Variants in TBX20 observed in about 807,000 individuals in gnomAD.
The protein encoded by TBX20 is T-box transcription factor TBX20.
Under a neutral mutation model 42.9 loss-of-function variants are expected in TBX20, and 8 were observed. That is an observed-to-expected ratio of 0.19 (90% confidence interval 0.11 to 0.34). The LOEUF is 0.34. TBX20 is among the 10% of genes least tolerant of loss of function. The probability of loss-of-function intolerance (pLI) is 1.00; values close to 1 mark genes in which losing one functional copy is unlikely to be tolerated. For synonymous variants in TBX20, 198 were observed against 222.8 expected, an observed-to-expected ratio of 0.89 and a Z score of 0.99; for missense variants, 411 against 566.0, an observed-to-expected ratio of 0.73 and a Z score of 2.78.
intron 5 of TBX20, among the ~76,000 whole-genome samples, chr7:35,238,308 T>C (rs1306273936): frequency 6.6e-6 from 1 of 152,126 alleles, no homozygotes; most frequent in Non-Finnish European, 1.5e-5. Context: ...TTAAACCAAA[T>C]CTCAGGCATT....
chr7:35,222,086 T>G (rs2128712178), intron 6 of TBX20, among the ~76,000 whole-genome samples: 1 of 152,268 alleles, frequency 6.6e-6, no homozygotes, highest in African/African-American at 2.4e-5. Context: ...TAAAAAGAAA[T>G]ATAATGAAGA....
intron 6 of TBX20, among the ~76,000 whole-genome samples, chr7:35,215,938 G>A (rs900396154): frequency 1.6e-4 from 25 of 151,914 alleles, no homozygotes; most frequent in African/African-American, 5.8e-4. Flanking sequence ...CCTTCCTCTA[G>A]CTTTGAAACT....
At position 35,204,479 on chromosome 7, in the gene TBX20, G is replaced by T; in HGVS notation, c.994C>A (p.Pro332Thr). The T allele has an allele frequency of 1.2e-6, 2 of 1,612,450 alleles. No homozygotes were observed. The highest frequency in any genetic ancestry group is 1.7e-6 in the Non-Finnish European group (2 of 1,178,598). The stretch of plus-strand genomic sequence containing the variant: ...TTGGAAACTACCTTACCTCGATTTG[G>T]GGTTGTCTGACTCTCATCCCCCAAG... ...DVLGDESQTTPNRGSAFTTSD... is the reference protein window; with the variant it reads ...DVLGDESQTTTNRGSAFTTSD... The change falls in exon 7 of 8, where the codon CCA (proline) becomes ACA (threonine). Residue 332 changes from proline (P) to threonine (T), a missense_variant. Transcript: ENST00000408931.
At chr7:35,250,349 T>C (rs1562568227) in intron 1 of TBX20, 146 bp from the exon 2 acceptor site, 1 of 991,740 alleles carries the variant, frequency 1.0e-6, no homozygotes. Flanking sequence ...GGATGACCCA[T>C]CATCACTGTA....
At chr7:35,238,081 A>G (rs980126593) in intron 5 of TBX20, among the ~76,000 whole-genome samples, 3 of 152,136 alleles carry the variant, frequency 2.0e-5, no homozygotes, top group African/African-American at 7.2e-5. Flanking sequence ...TTATTTAACT[A>G]GTGCCTCAAT....
At chr7:35,213,269 G>C (rs954969181) in intron 6 of TBX20, among the ~76,000 whole-genome samples, 10 of 152,146 alleles carry the variant, frequency 6.6e-5, no homozygotes, top group Non-Finnish European at 1.2e-4. Context: ...TGTCTCTCCA[G>C]GGGAACTTCT....
intron 5 of TBX20, among the ~76,000 whole-genome samples, chr7:35,232,614 C>T (rs1584351279): frequency 1.3e-5 from 2 of 152,228 alleles, no homozygotes; most frequent in South Asian, 4.2e-4. Context: ...AAATTAGAAC[C>T]CATGTTCATC....
rs2128716601 is a variant in TBX20 at position 35,253,485 on chromosome 7, C to T, written c.127+9G>A. ...AGTCCTCGGCGGACAGCCGGGTAGC[C>T]CAACTTACCCAGGGGTTTGATTGTG... On this transcript the variant is annotated intron_variant, in intron 1 of 7. Transcript: ENST00000408931. The T allele has an allele frequency of 6.2e-7, 1 of 1,608,398 alleles. No homozygotes were observed. The highest frequency in any genetic ancestry group is 8.5e-7 in the Non-Finnish European group (1 of 1,177,882).
intron 6 of TBX20, among the ~76,000 whole-genome samples, chr7:35,226,810 G>A (rs1219910904): frequency 6.6e-6 from 1 of 151,710 alleles, no homozygotes; most frequent in Non-Finnish European, 1.5e-5. Flanking sequence ...GTTTGTATAC[G>A]TACTATGCTA....
intron 6 of TBX20, among the ~76,000 whole-genome samples, chr7:35,221,700 C>A (rs1213735705): frequency 6.6e-6 from 1 of 152,202 alleles, no homozygotes; most frequent in Admixed American, 6.5e-5. Context: ...CCACTTATAT[C>A]CTTCCTCAAC....
chr7:35,216,493 A>G (rs1476818125), intron 6 of TBX20, among the ~76,000 whole-genome samples: 3 of 152,298 alleles, frequency 2.0e-5, no homozygotes, highest in Non-Finnish European at 4.4e-5. Flanking sequence ...ATTAAGATTA[A>G]GTGAATTAAT....
At chr7:35,252,561 A>C (rs1462590763) in intron 1 of TBX20, among the ~76,000 whole-genome samples, 1 of 151,632 alleles carries the variant, frequency 6.6e-6, no homozygotes, top group East Asian at 1.9e-4. Flanking sequence ...TAAGTGTGGG[A>C]AGGACAGAGA....
intron 6 of TBX20, among the ~76,000 whole-genome samples, chr7:35,228,058 T>C (rs1789805412): frequency 6.7e-6 from 1 of 150,312 alleles, no homozygotes; most frequent in South Asian, 2.1e-4. Context: ...TTGGGTTCCT[T>C]TTCCAAATTT....
intron 3 of TBX20, among the ~76,000 whole-genome samples, chr7:35,245,349 T>TGTGTGTGTGTGTG (rs1554287409): frequency 7.3e-5 from 11 of 151,390 alleles, no homozygotes; most frequent in South Asian, 4.2e-4. Flanking sequence ...TGTGTGTGTG[T>TGTGTGTGTGTGTG]TTTCATCTAT....
rs368443927 is a variant in TBX20 at position 35,253,600 on chromosome 7, G to C, written c.21C>G (p.Pro7=). 1 of 1,611,634 alleles carries C rather than the reference G, an allele frequency of 6.2e-7. No homozygotes were observed. The highest frequency in any genetic ancestry group is 8.5e-7 in the Non-Finnish European group (1 of 1,179,760). The change falls in exon 1 of 8, where the codon CCC becomes CCG. Residue 7 remains proline (P), a synonymous_variant. Transcript: ENST00000408931. ...TGGCCCGAGAGGAGAGTTGGGGCTT[G>C]GGGGACGCCGTGAACTCCATGGTCC... MEFTAS[P]KPQLSSRANA...
intron 6 of TBX20, among the ~76,000 whole-genome samples, chr7:35,207,007 ATATACT>A (rs1562556210): frequency 6.7e-6 from 1 of 150,342 alleles, no homozygotes; most frequent in Admixed American, 6.9e-5. Context: ...ACAAATGGAC[ATATACT>A]TTTATTTATC....
chr7:35,253,231 C>T (rs1204860781), intron 1 of TBX20, among the ~76,000 whole-genome samples: 1 of 152,222 alleles, frequency 6.6e-6, no homozygotes, highest in Non-Finnish European at 1.5e-5. Context: ...CAAACATACA[C>T]ACACACCATA....
rs1351371359 is a variant in TBX20, at chr7:35,227,003, T to G, written c.890+4501A>C. ...CAGAAGATGTGGAGGTGGGAGACAG[T>G]GATATTGATTATCCTGACCCAGGGT... On this transcript the variant is annotated intron_variant, in intron 6 of 7. Transcript: ENST00000408931. 2.0e-5 allele frequency among the ~76,000 whole-genome samples: 3 copies of G among 151,716 alleles called. No homozygotes were observed. The South Asian group carries it at 6.2e-4, about 32-fold the overall frequency.
chr7:35,243,905 A>C (rs1584356755), intron 4 of TBX20, among the ~76,000 whole-genome samples: 1 of 152,348 alleles, frequency 6.6e-6, no homozygotes, highest in Non-Finnish European at 1.5e-5. Flanking sequence ...TAGCGCCTAA[A>C]GTGATTTATT....
Sources: gnomAD v4.1 joint callset for allele counts (sites outside exome capture counted in the v4.1 genomes callset) on GRCh38, gnomAD v4.1.1 for gene constraint, MANE v1.5 for transcripts, NCBI Gene and HGNC (gene_info 2026-07-23, HGNC 2026-07-21) for gene names.